The following ZSCAN25 variants were observed in gnomAD, a reference collection of about 807,000 sequenced individuals.
The protein encoded by ZSCAN25 is zinc finger and SCAN domain containing 25, also known as zinc finger and SCAN domain-containing protein 25.
In ZSCAN25, 27 loss-of-function variants were observed where a neutral mutation model predicts 38.7. The observed-to-expected ratio is 0.70, with a 90% CI of 0.51 to 0.96. The LOEUF is 0.96. Ranked by LOEUF, ZSCAN25 falls within the 40% of genes least tolerant of loss-of-function variation. The pLI is 0.00. For synonymous variants in ZSCAN25, 273 were observed against 277.7 expected (o/e 0.98, Z 0.17); for missense variants, 637 against 705.9 (o/e 0.90, Z 1.11).
the ZSCAN25 span, among the ~76,000 whole-genome samples, chr7:99,703,511 A>G: frequency 6.6e-6 from 1 of 152,164 alleles, no homozygotes; most frequent in Non-Finnish European, 1.5e-5. Flanking sequence ...CATTTCATCT[A>G]TCTATATATC....
At chr7:99,708,097 T>C in the ZSCAN25 span, 2 of 1,381,404 alleles carry the variant, frequency 1.4e-6, no homozygotes, top group Non-Finnish European at 1.0e-6. Flanking sequence ...TTTTGTGGGC[T>C]AGTCACTGAA....
chr7:99,716,022 C>G, the ZSCAN25 span: 5 of 1,591,898 alleles, frequency 3.1e-6, no homozygotes, highest in Non-Finnish European at 4.3e-6. Context: ...CACAGACTTT[C>G]AGAACTATTT....
the ZSCAN25 span, among the ~76,000 whole-genome samples, chr7:99,637,741 G>A: frequency 6.6e-6 from 1 of 152,078 alleles, no homozygotes; most frequent in African/African-American, 2.4e-5. Flanking sequence ...AGAAAGGGGG[G>A]AAAGGCCTTA....
chr7:99,704,791 G>A, the ZSCAN25 span, among the ~76,000 whole-genome samples: 4 of 151,998 alleles, frequency 2.6e-5, no homozygotes, highest in East Asian at 2.0e-4. Context: ...GTGAAACTCC[G>A]TCTGTACTAA....
At chr7:99,638,693 C>T in the ZSCAN25 span, 129 of 1,477,178 alleles carry the variant, frequency 8.7e-5, no homozygotes, top group Admixed American at 7.1e-4. Flanking sequence ...GTTGTCTTGC[C>T]GGCCGCATCC....
At chr7:99,648,488 A>C in the ZSCAN25 span, 2 of 717,128 alleles carry the variant, frequency 2.8e-6, no homozygotes, top group South Asian at 1.6e-5. Flanking sequence ...TATGACAAAA[A>C]TGCTTTGCAA....
At chr7:99,685,092 C>T in the ZSCAN25 span, 10 of 1,363,864 alleles carry the variant, frequency 7.3e-6, no homozygotes, top group African/African-American at 1.2e-4. Context: ...CTCTGGTGTT[C>T]TAGGTCACAG....
chr7:99,694,893 A>G, the ZSCAN25 span, among the ~76,000 whole-genome samples: 1 of 152,234 alleles, frequency 6.6e-6, no homozygotes, highest in African/African-American at 2.4e-5. Context: ...CATGTGGCAC[A>G]TATGACATTT....
chr7:99,735,040 G>A, the ZSCAN25 span: 3 of 1,613,996 alleles, frequency 1.9e-6, no homozygotes, highest in African/African-American at 2.7e-5. Flanking sequence ...GGAGTATCAG[G>A]CTGACAGCCA....
the ZSCAN25 span, chr7:99,664,226 T>C: frequency 1.2e-6 from 1 of 849,208 alleles, no homozygotes; most frequent in Admixed American, 2.8e-5. Flanking sequence ...ATTCCTTTTA[T>C]CATGTTTGCC....
the ZSCAN25 span, among the ~76,000 whole-genome samples, chr7:99,708,664 G>A: frequency 6.6e-6 from 1 of 152,118 alleles, no homozygotes; most frequent in East Asian, 1.9e-4. Context: ...TTAGACGCAT[G>A]TTTTTTATTC....
chr7:99,716,662 G>A, the ZSCAN25 span, among the ~76,000 whole-genome samples: 23 of 152,120 alleles, frequency 1.5e-4, no homozygotes, highest in African/African-American at 4.8e-4. Context: ...CACCTATAGC[G>A]TTTTTACCAC....
At chr7:99,705,312 T>C in the ZSCAN25 span, 12 of 638,106 alleles carry the variant, frequency 1.9e-5, no homozygotes, top group African/African-American at 1.3e-4. Flanking sequence ...CTCCTCTATA[T>C]TACCAAGTAT....
chr7:99,678,901 A>G, the ZSCAN25 span, among the ~76,000 whole-genome samples: 7 of 152,176 alleles, frequency 4.6e-5, no homozygotes, highest in African/African-American at 1.7e-4. Flanking sequence ...GTGGAAAGTA[A>G]CTCTTCTCTC....
At chr7:99,715,696 A>T in the ZSCAN25 span, 1 of 1,611,356 alleles carries the variant, frequency 6.2e-7, no homozygotes, top group African/African-American at 1.3e-5. Flanking sequence ...GGTGATTTAC[A>T]TCTCAATAAA....
the ZSCAN25 span, chr7:99,647,674 A>T: frequency 2.0e-6 from 2 of 985,336 alleles, no homozygotes; most frequent in South Asian, 9.4e-5. Flanking sequence ...TTTTCTCCAA[A>T]CAATGGGCAA....
At chr7:99,664,170 C>G in the ZSCAN25 span, 1 of 1,182,522 alleles carries the variant, frequency 8.5e-7, no homozygotes, top group Admixed American at 2.4e-5. Context: ...ATAATTTTCT[C>G]TACCAGTAAT....
chr7:99,638,371 G>A, the ZSCAN25 span: 2 of 1,600,082 alleles, frequency 1.2e-6, no homozygotes, highest in Non-Finnish European at 1.7e-6. Flanking sequence ...TGGATCTTGT[G>A]GGGTTTCATG....
At chr7:99,722,962 A>C in the ZSCAN25 span, among the ~76,000 whole-genome samples, 1 of 152,198 alleles carries the variant, frequency 6.6e-6, no homozygotes, top group African/African-American at 2.4e-5. Flanking sequence ...AGTTCTGAGA[A>C]AATGTCACCT....
Sources: gnomAD v4.1 joint callset for allele counts (sites outside exome capture counted in the v4.1 genomes callset) on GRCh38, gnomAD v4.1.1 for gene constraint, MANE v1.5 for transcripts, NCBI Gene and HGNC (gene_info 2026-07-23, HGNC 2026-07-21) for gene names.